CYRIB: variants seen among roughly 807,000 people sequenced by gnomAD.
The protein encoded by CYRIB is CYFIP-related Rac1 interactor B.
Under a neutral mutation model 44.2 loss-of-function variants are expected in CYRIB, and 8 were observed. The observed-to-expected ratio is 0.18, with a 90% CI of 0.11 to 0.33. The LOEUF is 0.33. Among genes scored for constraint, CYRIB ranks in the 10% least tolerant of loss-of-function variants. The probability of loss-of-function intolerance (pLI) is 1.00; values close to 1 mark genes in which losing one functional copy is unlikely to be tolerated. For missense variants in CYRIB, 185 were observed against 382.8 expected (o/e 0.48, Z 4.31); for synonymous variants, 131 against 127.2 (o/e 1.03, Z -0.20).
chr8:130,008,835 A>AGTT (rs2097160614), intron 1 of CYRIB, among the ~76,000 whole-genome samples: 1 of 152,188 alleles, frequency 6.6e-6, no homozygotes, highest in African/African-American at 2.4e-5. Context: ...CATTTTAGGA[A>AGTT]GTTATTGCCC....
At chr8:129,846,428 C>A (rs2040053103) in intron 11 of CYRIB, among the ~76,000 whole-genome samples, 1 of 152,210 alleles carries the variant, frequency 6.6e-6, no homozygotes, top group Non-Finnish European at 1.5e-5. Context: ...TGGCTTATCT[C>A]AAAATGGTGA....
intron 2 of CYRIB, among the ~76,000 whole-genome samples, chr8:129,955,001 C>T (rs2094718497): frequency 6.6e-6 from 1 of 152,134 alleles, no homozygotes; most frequent in African/African-American, 2.4e-5. Flanking sequence ...CACCTGTAAT[C>T]CCAGCACTCT....
At position 129,971,619 on chromosome 8, in the gene CYRIB, G is replaced by C. The variant is rs2095694692; in HGVS notation, c.-295-624C>G. 2.0e-5 allele frequency among the ~76,000 whole-genome samples: 3 copies of C among 152,224 alleles called. No homozygotes were observed. In the South Asian group the frequency reaches 6.2e-4, roughly 32 times the overall value. On this transcript the variant is annotated intron_variant, in intron 1 of 14. Transcript: ENST00000401979. Reference sequence around the variant, plus strand: ...TTGTCCTTAGGAGCATATATGGTGGGGCCAGCGCTATCCATGGAGATTCAG... The same window carrying C: ...TTGTCCTTAGGAGCATATATGGTGGCGCCAGCGCTATCCATGGAGATTCAG...
At chr8:129,894,992 T>C (rs2067229100) in intron 2 of CYRIB, among the ~76,000 whole-genome samples, 1 of 149,956 alleles carries the variant, frequency 6.7e-6, no homozygotes, top group Non-Finnish European at 1.5e-5. Flanking sequence ...GGCTGGAGTG[T>C]AGTGGTGTGC....
At position 129,907,286 on chromosome 8, in the gene CYRIB, G is replaced by C. The variant is rs139205622; in HGVS notation, c.-49-3936C>G. On this transcript the variant is annotated intron_variant, in intron 1 of 11. Transcript: ENST00000519824. ...GCAGCCATAAAAAATGATGAGTTTAGGTCCTTTGTAGGGACATGGATGAAG... is the reference window on the plus strand; with the variant it reads ...GCAGCCATAAAAAATGATGAGTTTACGTCCTTTGTAGGGACATGGATGAAG... 7.9e-3 allele frequency among the ~76,000 whole-genome samples: 1,201 copies of C among 152,204 alleles called. 20 individuals carry two copies. Among genetic ancestry groups the C allele is most frequent in the African/African-American group, 0.028 (1,159 of 41,518 alleles).
In CYRIB at chr8:129,959,683, G is replaced by A. The variant is rs1479234884; in HGVS notation, c.-243+11260C>T. 2.0e-5 allele frequency among the ~76,000 whole-genome samples: 3 copies of A among 152,032 alleles called. No homozygotes were observed. The South Asian group carries it at 6.2e-4, about 32-fold the overall frequency. On this transcript the variant is annotated intron_variant, in intron 2 of 14. Coordinates refer to the CYRIB transcript ENST00000401979. ...ATAATACTTTTACCCATCTTTGTAC[G>A]CCAATCCTACCACATCTACTCCACT...
intron 10 of CYRIB, 70 bp from the exon 13 acceptor site, chr8:129,846,944 A>C (rs890802624): frequency 3.9e-5 from 33 of 835,870 alleles, no homozygotes; most frequent in Non-Finnish European, 6.2e-5. Flanking sequence ...TCAAAATAGT[A>C]AAATAAATCA....
intron 1 of CYRIB, among the ~76,000 whole-genome samples, chr8:129,933,945 C>CTTTT (rs2092298934): frequency 6.6e-6 from 1 of 151,828 alleles, no homozygotes; most frequent in Non-Finnish European, 1.5e-5. Flanking sequence ...TGTGCTTGTA[C>CTTTT]TTAAAAGACT....
chr8:129,974,720 T>C (rs1748956294), intron 1 of CYRIB, among the ~76,000 whole-genome samples: 1 of 147,626 alleles, frequency 6.8e-6, no homozygotes, highest in Non-Finnish European at 1.5e-5. Context: ...AATCACAGAT[T>C]TTTTTTTTTT....
chr8:129,983,936 T>A (rs984516819), intron 1 of CYRIB, among the ~76,000 whole-genome samples: 22 of 152,284 alleles, frequency 1.4e-4, no homozygotes, highest in Admixed American at 1.0e-3. Flanking sequence ...CGGCAGCAGG[T>A]CCTAGGAGAA....
intron 4 of CYRIB, among the ~76,000 whole-genome samples, chr8:129,868,174 ACAT>A (rs1418486058): frequency 6.6e-6 from 1 of 152,160 alleles, no homozygotes; most frequent in East Asian, 1.9e-4. Context: ...TTTTATTTGT[ACAT>A]TCCTTTCTTA....
intron 2 of CYRIB, among the ~76,000 whole-genome samples, chr8:129,964,798 C>T (rs375473435): frequency 6.6e-6 from 1 of 152,072 alleles, no homozygotes; most frequent in African/African-American, 2.4e-5. Context: ...CCTGGGAGGT[C>T]GAGGCTGCAG....
At chr8:129,878,570 C>T (rs1445648410) in intron 3 of CYRIB, among the ~76,000 whole-genome samples, 3 of 152,154 alleles carry the variant, frequency 2.0e-5, no homozygotes, top group Admixed American at 6.5e-5. Flanking sequence ...TAACAATTTT[C>T]TATTGATCAG....
intron 7 of CYRIB, 32 bp from the exon 10 acceptor site, chr8:129,852,310 T>C: frequency 1.5e-6 from 2 of 1,345,570 alleles, no homozygotes; most frequent in Non-Finnish European, 2.0e-6. Context: ...TGGATGTTAG[T>C]TCACAAATTA....
chr8:129,947,632 A>T (rs2094243650), intron 2 of CYRIB, among the ~76,000 whole-genome samples: 1 of 152,228 alleles, frequency 6.6e-6, no homozygotes, highest in Admixed American at 6.5e-5. Context: ...ATACATATTG[A>T]TTGCAGCAAA....
intron 1 of CYRIB, among the ~76,000 whole-genome samples, chr8:129,979,846 A>G (rs1162819387): frequency 6.6e-6 from 1 of 152,200 alleles, no homozygotes; most frequent in East Asian, 1.9e-4. Flanking sequence ...GCTTGAAGCC[A>G]GGAGGCGGAG....
chr8:129,843,908 A>C (rs389604), intron 11 of CYRIB: 1 of 152,042 alleles, frequency 6.6e-6, no homozygotes, highest in African/African-American at 2.4e-5. Context: ...TGGCACATAA[A>C]TGGTGCTCAA....
At position 129,898,255 on chromosome 8, in the gene CYRIB, A is replaced by AC. The variant is rs1564820854; in HGVS notation, c.-11+5056_-11+5057insG. 7.9e-5 allele frequency among the ~76,000 whole-genome samples: 12 copies of AC among 152,196 alleles called. No homozygotes were observed. The South Asian group carries it at 1.7e-3, about 21-fold the overall frequency. ...ACGTTAGTGCTAATGTTAAGTTAATAAATGAACGTTTATTGTGGCACATAC... is the reference window on the plus strand; with the variant it reads ...ACGTTAGTGCTAATGTTAAGTTAATACAATGAACGTTTATTGTGGCACATAC... On this transcript the variant is annotated intron_variant, in intron 2 of 11. Coordinates refer to ENST00000519824, the Ensembl canonical transcript of CYRIB.
intron 1 of CYRIB, among the ~76,000 whole-genome samples, chr8:129,989,640 CT>C (rs545615460): frequency 0.014 from 1,906 of 136,634 alleles, 10 homozygotes; most frequent in African/African-American, 0.023. Context: ...GATGCCCTTT[CT>C]TTTTTTTTTT....
Sources: gnomAD v4.1 joint callset for allele counts (sites outside exome capture counted in the v4.1 genomes callset) on GRCh38, gnomAD v4.1.1 for gene constraint, MANE v1.5 for transcripts, NCBI Gene and HGNC (gene_info 2026-07-23, HGNC 2026-07-21) for gene names.